The following ASCC3 variants were observed in gnomAD, a reference collection of about 807,000 sequenced individuals.
ASCC3 encodes ASC-1 complex subunit P200.
Under a neutral mutation model 256.3 loss-of-function variants are expected in ASCC3, and 158 were observed. The ratio of observed to expected loss-of-function variants is 0.62; its 90% CI spans 0.54 to 0.70. The LOEUF is 0.70. Among genes scored for constraint, ASCC3 ranks in the 30% least tolerant of loss-of-function variants. The pLI is 0.00. For missense variants in ASCC3, 2,259 were observed against 2,626.0 expected (o/e 0.86, Z 3.05); for synonymous variants, 948 against 883.4 (o/e 1.07, Z -1.30).
At chr6:100,542,872 A>C (rs1388509495) in intron 36 of ASCC3, among the ~76,000 whole-genome samples, 10 of 152,238 alleles carry the variant, frequency 6.6e-5, no homozygotes, top group South Asian at 2.1e-4. Context: ...ATATGGATCT[A>C]CACAAAGAAA....
rs565583161 is a variant in ASCC3, at chr6:100,690,948, T to G, written c.2152-11196A>C. Among the ~76,000 whole-genome samples, 4 of 152,286 alleles carry G rather than the reference T, an allele frequency of 2.6e-5. No individual in the cohort carries two copies. The South Asian group carries it at 8.3e-4, about 32-fold the overall frequency. On this transcript the variant is annotated intron_variant, in intron 13 of 41. Coordinates refer to ENST00000369162, the MANE Select transcript of ASCC3 (RefSeq NM_006828.4). ...TACTCTGAATGTGAAACATTCCTTA[T>G]AAATTTCACTTAAAAATCACTTTAA...
At chr6:100,593,233 A>G (rs908742607) in intron 34 of ASCC3, among the ~76,000 whole-genome samples, 50 of 152,092 alleles carry the variant, frequency 3.3e-4, no homozygotes, top group African/African-American at 1.1e-3. Context: ...TAGTCCCCTG[A>G]GAGGTGTGAA....
At chr6:100,732,165 C>CAAAAAAAAA (rs386408063) in intron 10 of ASCC3, among the ~76,000 whole-genome samples, 4 of 105,102 alleles carry the variant, frequency 3.8e-5, no homozygotes, top group Non-Finnish European at 3.9e-5. Flanking sequence ...CGTCTCAAAA[C>CAAAAAAAAA]AAAAAAAAAA....
At chr6:100,741,961 C>T (rs563371279) in intron 10 of ASCC3, among the ~76,000 whole-genome samples, 114 of 152,214 alleles carry the variant, frequency 7.5e-4, no homozygotes, top group Middle Eastern at 3.4e-3. Flanking sequence ...TTTGAGTTTT[C>T]GGCATTTTTG....
At position 100,647,407 on chromosome 6, in the gene ASCC3, C is replaced by T. The variant is rs751940293; in HGVS notation, c.3297G>A (p.Arg1099=). 5 of 1,613,964 alleles carry T rather than the reference C, an allele frequency of 3.1e-6. No individual in the cohort carries two copies. The South Asian group carries it at 4.4e-5, about 14-fold the overall frequency. ...TGTAGGTCATGGTAGGCCAACGTTT[C>T]CTCAGAGCAATTTCAAAAAGAGCAC... The part of the protein sequence containing the change: ...IVRALFEIAL[R]KRWPTMTYRL... The change falls in exon 21 of 42, where the codon AGG becomes AGA. Residue 1099 remains arginine, a synonymous_variant. Coordinates refer to ENST00000369162, the MANE Select transcript of ASCC3 (RefSeq NM_006828.4).
chr6:100,742,794 T>A (rs1359242035), intron 10 of ASCC3, among the ~76,000 whole-genome samples: 5 of 152,174 alleles, frequency 3.3e-5, no homozygotes, highest in Non-Finnish European at 5.9e-5. Flanking sequence ...AGAAACTCCA[T>A]CCTGTTTCAG....
At chr6:100,746,952 T>C (rs1026347223) in intron 10 of ASCC3, among the ~76,000 whole-genome samples, 6 of 152,084 alleles carry the variant, frequency 3.9e-5, no homozygotes, top group Admixed American at 1.3e-4. Context: ...AAAGACACTG[T>C]TACAAACGTC....
At chr6:100,578,166 G>C (rs1770976433) in intron 36 of ASCC3, among the ~76,000 whole-genome samples, 1 of 151,890 alleles carries the variant, frequency 6.6e-6, no homozygotes, top group South Asian at 2.1e-4. Flanking sequence ...TAAAGAAAAA[G>C]AACATAAAAG....
chr6:100,618,472 C>A (rs930155565), intron 30 of ASCC3, among the ~76,000 whole-genome samples: 1 of 152,134 alleles, frequency 6.6e-6, no homozygotes, highest in Non-Finnish European at 1.5e-5. Context: ...ATCAAATGGG[C>A]AAAATAACCA....
intron 13 of ASCC3, among the ~76,000 whole-genome samples, chr6:100,687,568 G>A (rs900214739): frequency 1.3e-5 from 2 of 151,752 alleles, no homozygotes; most frequent in Non-Finnish European, 1.5e-5. Context: ...TTTTGAACCG[G>A]AGAAATAATT....
chr6:100,708,346 T>C (rs1006333100), intron 13 of ASCC3, among the ~76,000 whole-genome samples: 25 of 152,200 alleles, frequency 1.6e-4, no homozygotes, highest in African/African-American at 6.0e-4. Context: ...TTAGAAATTT[T>C]AGGATGTTGA....
intron 30 of ASCC3, among the ~76,000 whole-genome samples, chr6:100,614,052 T>G (rs1488098947): frequency 6.6e-6 from 1 of 152,158 alleles, no homozygotes; most frequent in African/African-American, 2.4e-5. Context: ...GATTTTTTCT[T>G]ATTCATGTTT....
At chr6:100,698,653 A>C (rs1334862904) in intron 13 of ASCC3, among the ~76,000 whole-genome samples, 1 of 152,196 alleles carries the variant, frequency 6.6e-6, no homozygotes, top group East Asian at 1.9e-4. Flanking sequence ...ACTAGATGAA[A>C]TAATAAGAGC....
chr6:100,638,857 G>C, intron 24 of ASCC3, 36 bp from the exon 25 acceptor site: 1 of 1,485,504 alleles, frequency 6.7e-7, no homozygotes, highest in Non-Finnish European at 9.4e-7. Flanking sequence ...TACGACAATT[G>C]AAAAACACGC....
intron 10 of ASCC3, among the ~76,000 whole-genome samples, chr6:100,748,084 A>G (rs912487629): frequency 4.6e-5 from 7 of 152,090 alleles, no homozygotes; most frequent in African/African-American, 1.7e-4. Flanking sequence ...TTCTAGGATC[A>G]ATTCTATAGA....
chr6:100,587,796 C>G (rs1771781013), intron 36 of ASCC3, among the ~76,000 whole-genome samples: 1 of 152,162 alleles, frequency 6.6e-6, no homozygotes. Context: ...CAGAAAGAAA[C>G]ATGCTGCTGA....
At chr6:100,866,142 G>A (rs912363779) in intron 2 of ASCC3, among the ~76,000 whole-genome samples, 1 of 151,834 alleles carries the variant, frequency 6.6e-6, no homozygotes, top group African/African-American at 2.4e-5. Context: ...GCTGATTTTT[G>A]TACTTTTAGT....
intron 8 of ASCC3, among the ~76,000 whole-genome samples, chr6:100,784,426 T>C (rs1408418767): frequency 6.6e-6 from 1 of 152,046 alleles, no homozygotes; most frequent in African/African-American, 2.4e-5. Context: ...GAATGTCAGA[T>C]AGATAAATAA....
At chr6:100,754,967 C>T (rs1781107597) in intron 10 of ASCC3, among the ~76,000 whole-genome samples, 4 of 152,118 alleles carry the variant, frequency 2.6e-5, no homozygotes, top group Admixed American at 2.0e-4. Flanking sequence ...GACTGTGAGG[C>T]CTCCACAGCC....
Sources: allele counts gnomAD v4.1 joint callset (sites outside exome capture counted in the v4.1 genomes callset), GRCh38; gene constraint gnomAD v4.1.1; transcripts MANE v1.5; gene names NCBI Gene and HGNC (gene_info 2026-07-23, HGNC 2026-07-21).